The following RABGAP1L variants were observed in gnomAD, a reference collection of about 807,000 sequenced individuals.
The protein encoded by RABGAP1L is RAB GTPase activating protein 1 like.
In RABGAP1L, 63 loss-of-function variants were observed where a neutral mutation model predicts 137.7. That is an observed-to-expected ratio of 0.46 (90% CI 0.37 to 0.56). The LOEUF (loss-of-function observed/expected upper bound fraction) is 0.56. Ranked by LOEUF, RABGAP1L falls within the 20% of genes least tolerant of loss-of-function variation. The pLI is 0.00. For synonymous variants in RABGAP1L, 431 were observed against 433.7 expected, an observed-to-expected ratio of 0.99 and a Z score of 0.08; for missense variants, 1,095 against 1,244.0, an observed-to-expected ratio of 0.88 and a Z score of 1.80.
rs570954445 is a variant in RABGAP1L at position 174,586,066 on chromosome 1, C to G, written c.1711-51309C>G. ...TATAAATCATTCTATTAAAAAGATA[C>G]ATGCATGCGTATGTTCATTGCAGCA... On this transcript the variant is annotated intron_variant, in intron 13 of 25. Transcript: ENST00000681986. Among the ~76,000 whole-genome samples the G allele has an allele frequency of 5.9e-5, 9 of 152,252 alleles. 1 individual carries two copies. In the South Asian group the frequency reaches 1.9e-3, roughly 32 times the overall value.
intron 13 of RABGAP1L, among the ~76,000 whole-genome samples, chr1:174,410,178 T>C (rs1306332125): frequency 1.3e-5 from 2 of 152,096 alleles, no homozygotes; most frequent in African/African-American, 2.4e-5. Flanking sequence ...CCCAGTAAAA[T>C]TCCTCTCTTT....
chr1:174,226,038 C>G (rs190554785), intron 3 of RABGAP1L, among the ~76,000 whole-genome samples: 7 of 152,166 alleles, frequency 4.6e-5, no homozygotes, highest in African/African-American at 1.4e-4. Context: ...GAAAACAAAA[C>G]AGAAACAAGT....
At chr1:174,345,513 T>C (rs978405917) in intron 11 of RABGAP1L, among the ~76,000 whole-genome samples, 1 of 152,066 alleles carries the variant, frequency 6.6e-6, no homozygotes, top group Non-Finnish European at 1.5e-5. Context: ...CTTGTTTGGT[T>C]AAGTTAATTC....
At chr1:174,887,182 G>A (rs1317388797) in intron 19 of RABGAP1L, among the ~76,000 whole-genome samples, 5 of 152,246 alleles carry the variant, frequency 3.3e-5, no homozygotes, top group Middle Eastern at 3.4e-3. Context: ...AGAAGAAAAG[G>A]GTACTCCACA....
At position 174,306,223 on chromosome 1, in the gene RABGAP1L, G is replaced by A. The variant is rs1192863196; in HGVS notation, c.1465+1096G>A. On this transcript the variant is annotated intron_variant, in intron 11 of 25. Coordinates refer to ENST00000681986, the MANE Select transcript of RABGAP1L (RefSeq NM_001366446.1). ...TATTGTGAGTAGTGCTGCAATAAAC[G>A]TACGTGTGCACGTGTCTTTATAGCA... Among the ~76,000 whole-genome samples the A allele has an allele frequency of 5.9e-5, 9 of 152,142 alleles. No homozygotes were observed. In the East Asian group the frequency reaches 1.2e-3, roughly 20 times the overall value.
At chr1:174,266,191 A>G (rs1192107623) in intron 7 of RABGAP1L, among the ~76,000 whole-genome samples, 2 of 152,142 alleles carry the variant, frequency 1.3e-5, no homozygotes, top group Admixed American at 6.5e-5. Context: ...TCAGTTTGCA[A>G]TTTGTAAATT....
chr1:174,488,193 T>G (rs184577636), intron 13 of RABGAP1L, among the ~76,000 whole-genome samples: 1 of 152,226 alleles, frequency 6.6e-6, no homozygotes, highest in Non-Finnish European at 1.5e-5. Context: ...ACTACTCTCT[T>G]TAGCACTTCT....
chr1:174,561,578 T>C (rs1667217958), intron 13 of RABGAP1L, among the ~76,000 whole-genome samples: 1 of 152,174 alleles, frequency 6.6e-6, no homozygotes, highest in Non-Finnish European at 1.5e-5. Flanking sequence ...AGAACAAAGC[T>C]GGAGGCATCA....
At chr1:174,201,236 T>C (rs1019319017) in intron 1 of RABGAP1L, among the ~76,000 whole-genome samples, 10 of 152,008 alleles carry the variant, frequency 6.6e-5, no homozygotes, top group African/African-American at 2.4e-4. Flanking sequence ...ATTACAGGTG[T>C]GAGCCACCAC....
rs1466485591 is a variant in RABGAP1L, at chr1:174,761,703, T to G, written c.2211+9349T>G. Among the ~76,000 whole-genome samples, 2 of 152,122 alleles carry G rather than the reference T, an allele frequency of 1.3e-5. No homozygotes were observed. The highest frequency in any genetic ancestry group is 2.9e-5 in the Non-Finnish European group (2 of 68,022). On this transcript the variant is annotated intron_variant, in intron 18 of 25. Coordinates refer to ENST00000681986, the MANE Select transcript of RABGAP1L (RefSeq NM_001366446.1). This position sits in a 1 kb window ranked among gnomAD's most constrained non-coding sequence, Gnocchi z 4.0. ...TCCCAGACGGTGGAAACTCCCGTTT[T>G]TAAAACATCAGATCTCATGAGACTA...
At chr1:174,569,018 T>C (rs1263513166) in intron 13 of RABGAP1L, among the ~76,000 whole-genome samples, 25 of 152,222 alleles carry the variant, frequency 1.6e-4, no homozygotes, top group Admixed American at 1.6e-3. Context: ...AGTAACCTTA[T>C]AATGGAAGAT....
At chr1:174,844,231 A>T (rs1404535486) in intron 19 of RABGAP1L, among the ~76,000 whole-genome samples, 2 of 109,302 alleles carry the variant, frequency 1.8e-5, no homozygotes, top group Non-Finnish European at 3.7e-5. Context: ...TAGTTTAATT[A>T]GATCCCATTT....
chr1:174,768,562 C>T (rs1391022979), intron 18 of RABGAP1L, among the ~76,000 whole-genome samples: 1 of 152,192 alleles, frequency 6.6e-6, no homozygotes, highest in Non-Finnish European at 1.5e-5. Context: ...GTACATGCGG[C>T]CCCACCCCAG....
At chr1:174,667,794 T>C (rs1557966995) in intron 14 of RABGAP1L, among the ~76,000 whole-genome samples, 2 of 152,190 alleles carry the variant, frequency 1.3e-5, no homozygotes, top group Non-Finnish European at 2.9e-5. Context: ...CTTCTATATA[T>C]CTCTCACTGT....
chr1:174,935,690 A>G (rs1664657098), intron 19 of RABGAP1L, among the ~76,000 whole-genome samples: 1 of 152,204 alleles, frequency 6.6e-6, no homozygotes, highest in South Asian at 2.1e-4. Flanking sequence ...GTTGGTAAAG[A>G]ATAAATCTTG....
intron 11 of RABGAP1L, among the ~76,000 whole-genome samples, chr1:174,365,644 G>A (rs1437340084): frequency 6.6e-6 from 1 of 152,170 alleles, no homozygotes; most frequent in Non-Finnish European, 1.5e-5. Flanking sequence ...AAGTCCCCCA[G>A]TTGCTGTGTT....
intron 13 of RABGAP1L, among the ~76,000 whole-genome samples, chr1:174,454,613 C>CT (rs999063373): frequency 1.9e-4 from 28 of 146,180 alleles, no homozygotes; most frequent in Non-Finnish European, 3.9e-4. Flanking sequence ...GGCAGTGGCG[C>CT]TATCTCTGCT....
intron 1 of RABGAP1L, among the ~76,000 whole-genome samples, chr1:174,162,435 T>C (rs1380547874): frequency 6.6e-6 from 1 of 152,174 alleles, no homozygotes; most frequent in Non-Finnish European, 1.5e-5. Context: ...GTGTGGGAGA[T>C]AGCTAGGCTT....
At chr1:174,311,895 C>T (rs900185541) in intron 11 of RABGAP1L, among the ~76,000 whole-genome samples, 1 of 152,244 alleles carries the variant, frequency 6.6e-6, no homozygotes, top group African/African-American at 2.4e-5. Flanking sequence ...GCATGAGCCA[C>T]CATGCCCAGC....
Sources: allele counts gnomAD v4.1 joint callset (sites outside exome capture counted in the v4.1 genomes callset), GRCh38; gene constraint gnomAD v4.1.1; non-coding constraint Gnocchi (gnomAD v3.1); transcripts MANE v1.5; gene names NCBI Gene and HGNC (gene_info 2026-07-23, HGNC 2026-07-21).